PHF20L1: variants seen among roughly 807,000 people sequenced by gnomAD.
PHF20L1 encodes PHD finger protein 20-like protein 1.
A neutral mutation model predicts 125.5 loss-of-function variants in PHF20L1; 44 were observed. The ratio of observed to expected loss-of-function variants is 0.35; its 90% CI spans 0.28 to 0.45. The LOEUF (loss-of-function observed/expected upper bound fraction) is 0.45. Ranked by LOEUF, PHF20L1 falls within the 20% of genes least tolerant of loss-of-function variation. The probability of loss-of-function intolerance (pLI) is 1.00; values close to 1 mark genes in which losing one functional copy is unlikely to be tolerated. For missense variants in PHF20L1, 1,012 were observed against 1,217.2 expected, an observed-to-expected ratio of 0.83 and a Z score of 2.51; for synonymous variants, 380 against 403.1, an observed-to-expected ratio of 0.94 and a Z score of 0.69.
chr8:132,798,923 A>G, intron 5 of PHF20L1, 63 bp downstream of exon 5: 5 of 1,173,164 alleles, frequency 4.3e-6, no homozygotes, highest in Non-Finnish European at 6.1e-6. Flanking sequence ...GACTGATCAA[A>G]ATATATTTAT....
chr8:132,814,675 A>G lies in PHF20L1; in HGVS notation c.969A>G (p.Glu323=). 6.2e-7 allele frequency: 1 copy of G among 1,604,988 alleles called. No homozygotes were observed. The highest frequency in any genetic ancestry group is 8.5e-7 in the Non-Finnish European group (1 of 1,175,376). The part of the protein sequence containing the change: ...SPKPQSQKKN[E]ADISSSANTQ... ...AACCTCAAAGTCAGAAAAAAAATGA[A>G]GCTGACATTAGCAGTTCTGCCAACA... Residue 323 remains glutamate, a synonymous_variant, in exon 10 of 21, where the codon GAA becomes GAG. Transcript: ENST00000395386.
At chr8:132,793,327 C>G (rs1394369658) in intron 2 of PHF20L1, among the ~76,000 whole-genome samples, 1 of 152,120 alleles carries the variant, frequency 6.6e-6, no homozygotes, top group South Asian at 2.1e-4. Context: ...CGAAGAAGCT[C>G]TACCGGAGAA....
rs534071526 is a variant in PHF20L1 at position 132,820,585 on chromosome 8, TA to T, written c.1579+3045del. ...CCAAGAGGCCTCTGGTAGAGCCTCT[TA>T]AAAACTCTGGAGAGACAAACCATCT... On this transcript the variant is annotated intron_variant, in intron 12 of 20. Transcript: ENST00000395386. 1.7e-4 allele frequency among the ~76,000 whole-genome samples: 26 copies of T among 152,082 alleles called. No individual in the cohort carries two copies. In the South Asian group the frequency reaches 5.2e-3, roughly 30 times the overall value.
At chr8:132,789,330 CT>C (rs1464958930) in intron 2 of PHF20L1, among the ~76,000 whole-genome samples, 4 of 151,986 alleles carry the variant, frequency 2.6e-5, no homozygotes, top group African/African-American at 9.7e-5. Context: ...CAATAATATG[CT>C]ATAGGAGTTT....
intron 9 of PHF20L1, chr8:132,812,987 T>A (rs1468253517): frequency 1.1e-6 from 1 of 944,676 alleles, no homozygotes; most frequent in Non-Finnish European, 1.3e-6. Flanking sequence ...TATATTTACT[T>A]TTGGATAAAA....
chr8:132,818,797 C>T (rs1011117898), intron 12 of PHF20L1: 8 of 151,608 alleles, frequency 5.3e-5, no homozygotes, highest in Non-Finnish European at 7.4e-5. Context: ...GGTTCTTTAA[C>T]GATCTGGAAT....
At chr8:132,775,692 G>C in intron 1 of PHF20L1, 47 bp downstream of exon 1, 1 of 323,716 alleles carries the variant, frequency 3.1e-6, no homozygotes, top group East Asian at 4.8e-5. Context: ...GGCCCCCGCC[G>C]GGCCGCCCGG....
At chr8:132,823,553 T>G (rs937617639) in intron 12 of PHF20L1, among the ~76,000 whole-genome samples, 3 of 151,984 alleles carry the variant, frequency 2.0e-5, no homozygotes, top group Non-Finnish European at 4.4e-5. Context: ...CTGGAAATAG[T>G]GTAGTGTCAA....
chr8:132,839,424 G>A lies in PHF20L1; in HGVS notation c.2229G>A (p.Glu743=). The A allele has an allele frequency of 6.2e-7, 1 of 1,613,388 alleles. No homozygotes were observed. The highest frequency in any genetic ancestry group is 2.2e-5 in the East Asian group (1 of 44,862). The part of the protein sequence containing the change: ...RWSAKYRYDK[E]WLNNGRMCGL... Reference sequence around the variant, plus strand: ...GTGCAAAATATCGTTATGATAAGGAGTGGTTGAATAATGGGAGAATGTGCG... The same window carrying A: ...GTGCAAAATATCGTTATGATAAGGAATGGTTGAATAATGGGAGAATGTGCG... Residue 743 remains glutamate (E), a synonymous_variant, in exon 18 of 21, where the codon GAG becomes GAA. Transcript: ENST00000395386.
intron 14 of PHF20L1, among the ~76,000 whole-genome samples, chr8:132,829,721 A>C (rs1836559085): frequency 6.6e-6 from 1 of 151,802 alleles, no homozygotes; most frequent in African/African-American, 2.4e-5. Flanking sequence ...CTTATTTGTT[A>C]AGAGTGTAGC....
intron 1 of PHF20L1, among the ~76,000 whole-genome samples, chr8:132,776,036 G>A (rs763959808): frequency 7.2e-5 from 11 of 151,956 alleles, no homozygotes; most frequent in Admixed American, 2.6e-4. Context: ...TGTCATCTCC[G>A]AAAACTTCCA....
chr8:132,831,991 G>T (rs1385700642), intron 14 of PHF20L1, among the ~76,000 whole-genome samples: 1 of 152,060 alleles, frequency 6.6e-6, no homozygotes. Flanking sequence ...CTTCACAAAA[G>T]TTTACAGGTA....
intron 1 of PHF20L1, among the ~76,000 whole-genome samples, chr8:132,776,646 A>C (rs902884951): frequency 6.6e-6 from 1 of 152,168 alleles, no homozygotes; most frequent in African/African-American, 2.4e-5. Context: ...AGACTCTTTC[A>C]AAGAGAAAAG....
At chr8:132,818,137 T>C (rs571739477) in intron 12 of PHF20L1, 3 of 152,158 alleles carry the variant, frequency 2.0e-5, no homozygotes, top group South Asian at 4.1e-4. Context: ...TTTACCAAGC[T>C]GATATTTTAA....
intron 10 of PHF20L1, 44 bp from the exon 11 acceptor site, chr8:132,816,844 C>T: frequency 8.1e-7 from 1 of 1,238,554 alleles, no homozygotes; most frequent in Non-Finnish European, 1.2e-6. Flanking sequence ...GTAAGATGCT[C>T]CTGGTATGTA....
chr8:132,806,856 C>G (rs551722499), intron 8 of PHF20L1: 1 of 151,992 alleles, frequency 6.6e-6, no homozygotes, highest in Non-Finnish European at 1.5e-5. Flanking sequence ...ATGTATTTCT[C>G]TCCACTCTAT....
rs952799353 is a variant in PHF20L1 at position 132,807,007 on chromosome 8, G to T, written c.847+2267G>T. 2.6e-5 allele frequency: 4 copies of T among 152,016 alleles called. No homozygotes were observed. The East Asian group carries it at 5.8e-4, about 22-fold the overall frequency. The allele number at this position is 152,016 out of a possible 1,614,324, so 9.4% of individuals were successfully genotyped here. A position where few individuals can be genotyped will look rare whatever the true frequency, so the allele number is the denominator to read the frequency against. ...ATTTTAAACCCGATTTCTGTATAGA[G>T]AATGTTAAAAGGATGGCGTTTTTCA... is the stretch of plus-strand genomic sequence containing the variant. On this transcript the variant is annotated intron_variant, in intron 8 of 20. Transcript: ENST00000395386.
chr8:132,811,769 G>A, intron 9 of PHF20L1: 2 of 984,502 alleles, frequency 2.0e-6, no homozygotes, highest in Non-Finnish European at 2.4e-6. Context: ...TTCTCTAAGG[G>A]CTTAACTTCT....
At chr8:132,831,029 C>T (rs1379917037) in intron 14 of PHF20L1, among the ~76,000 whole-genome samples, 1 of 152,022 alleles carries the variant, frequency 6.6e-6, no homozygotes, top group Non-Finnish European at 1.5e-5. Flanking sequence ...CACCCAAGTT[C>T]TGAGCCACCA....
Sources: gnomAD v4.1 joint callset for allele counts (sites outside exome capture counted in the v4.1 genomes callset) on GRCh38, gnomAD v4.1.1 for gene constraint, MANE v1.5 for transcripts, NCBI Gene and HGNC (gene_info 2026-07-23, HGNC 2026-07-21) for gene names.